AR: variants seen among roughly 807,000 people sequenced by gnomAD.
The protein encoded by AR is dihydrotestosterone receptor.
A neutral mutation model predicts 53.9 loss-of-function variants in AR; 8 were observed. The observed-to-expected ratio is 0.15, with a 90% CI of 0.09 to 0.27. The LOEUF is 0.27. Among genes scored for constraint, AR ranks in the 10% least tolerant of loss-of-function variants. The pLI, the probability that AR is intolerant of heterozygous loss-of-function variation, is 1.00. For missense variants in AR, 639 were observed against 742.5 expected (o/e 0.86, Z 1.62); for synonymous variants, 359 against 316.4 (o/e 1.13, Z -1.43).
rs1039748021 is a variant in AR, at chrX:67,631,361, A to C, written c.1617-11895A>C. On this transcript the variant is annotated intron_variant, in intron 1 of 7. Transcript: ENST00000374690. ...TTTCTTTTTATTCTTTTTTCTCTAA[A>C]GTTCCCTTCTCACTTCATTTCATTC... Among the ~76,000 whole-genome samples the C allele has an allele frequency of 4.5e-5, 5 of 111,127 alleles. 1 individual carries two copies. Among genetic ancestry groups the C allele is most frequent in the African/African-American group, 1.6e-4 (5 of 30,511 alleles).
rs1394193631 is a variant in AR at position 67,626,664 on chromosome X, G to A, written c.1617-16592G>A. On this transcript the variant is annotated intron_variant, in intron 1 of 7. Coordinates refer to ENST00000374690, the MANE Select transcript of AR (RefSeq NM_000044.6). The stretch of plus-strand genomic sequence containing the variant: ...TTATTATTATACTTTAAGTTTTAGG[G>A]TACATGTGCACAATGTGCAGGTTAG... Among the ~76,000 whole-genome samples, 4 of 100,484 alleles carry A rather than the reference G, an allele frequency of 4.0e-5. No homozygotes were observed. In the Admixed American group the frequency reaches 4.5e-4, roughly 11 times the overall value. The allele number at this position is 100,484 out of a possible 115,157, so 87.3% of individuals were successfully genotyped here.
chrX:67,708,580 G>T (rs2076079438), intron 3 of AR, among the ~76,000 whole-genome samples: 1 of 111,415 alleles, frequency 9.0e-6, no homozygotes, highest in Non-Finnish European at 1.9e-5. Context: ...TCTTTGCGAT[G>T]GGTTCAAACT....
intron 3 of AR, among the ~76,000 whole-genome samples, chrX:67,709,336 A>G (rs1004349478): frequency 1.2e-4 from 14 of 112,083 alleles, no homozygotes; most frequent in Admixed American, 5.6e-4. Flanking sequence ...AGCCTCAGCA[A>G]TGGCGGGTGC....
chrX:67,684,870 G>GT (rs201845471), intron 2 of AR, among the ~76,000 whole-genome samples: 46 of 108,789 alleles, frequency 4.2e-4, no homozygotes, highest in Admixed American at 1.2e-3. Context: ...GTTTTTAGTT[G>GT]TTTTTTTTTC....
rs768783620 is a variant in AR at position 67,729,945 on chromosome X, TGCTGACAGCA to T, written c.*6107_*6116del. 1.2e-5 allele frequency: 2 copies of T among 169,875 alleles called. No homozygotes were observed. The highest frequency in any genetic ancestry group is 6.1e-5 in the African/African-American group (2 of 32,762). The allele number at this position is 169,875 out of a possible 1,213,427, so 14.0% of individuals were successfully genotyped here. A position where few individuals can be genotyped will look rare whatever the true frequency, so the allele number is the denominator to read the frequency against. On this transcript the variant is annotated 3_prime_UTR_variant, in exon 8 of 8. Transcript: ENST00000374690. ...TGTCCTATCCCATAAGCCACTTGGA[TGCTGACAGCA>T]GCCACCATCAGAATGACCCACGCAA...
At chrX:67,572,928 A>G (rs1195702037) in intron 1 of AR, among the ~76,000 whole-genome samples, 1 of 111,857 alleles carries the variant, frequency 8.9e-6, no homozygotes, top group Non-Finnish European at 1.9e-5. Flanking sequence ...AAGTGTTCTG[A>G]CATTTTAATG....
At chrX:67,651,484 G>A (rs1213654428) in intron 2 of AR, among the ~76,000 whole-genome samples, 1 of 111,308 alleles carries the variant, frequency 9.0e-6, no homozygotes, top group Non-Finnish European at 1.9e-5. Flanking sequence ...TCAACAGGTA[G>A]TAAATAATAT....
At chrX:67,698,177 A>G (rs1214888798) in intron 3 of AR, among the ~76,000 whole-genome samples, 6 of 112,143 alleles carry the variant, frequency 5.4e-5, no homozygotes, top group African/African-American at 1.9e-4. Flanking sequence ...AACTAAAAGC[A>G]AAAGAGGGAA....
intron 4 of AR, 140 bp from the exon 5 acceptor site, chrX:67,717,338 C>A (rs2076117399): frequency 5.9e-6 from 5 of 840,749 alleles, no homozygotes; most frequent in Non-Finnish European, 8.6e-6. Flanking sequence ...CCCACCACCC[C>A]TTAATGGCCA....
intron 1 of AR, among the ~76,000 whole-genome samples, chrX:67,631,427 C>T (rs1358817817): frequency 8.9e-6 from 1 of 112,106 alleles, no homozygotes; most frequent in East Asian, 2.8e-4. Context: ...TCCAGTTGAT[C>T]GCATTGGCTC....
chrX:67,663,719 T>C (rs1927087411), intron 2 of AR, among the ~76,000 whole-genome samples: 1 of 112,344 alleles, frequency 8.9e-6, no homozygotes, highest in Admixed American at 9.4e-5. Context: ...CTACAGAGTG[T>C]TTTCCAACTT....
At chrX:67,720,614 G>C (rs1003480843) in intron 5 of AR, among the ~76,000 whole-genome samples, 1 of 111,085 alleles carries the variant, frequency 9.0e-6, no homozygotes, top group African/African-American at 3.3e-5. Context: ...TTCTAGTTGG[G>C]CTTCAGCCTG....
rs771665453 is a variant in AR at position 67,707,431 on chromosome X, A to C, written c.1886-3971A>C. ...TCTCTTTTGATCTTTGTTGGTTTAAAGTCTGTTTTATCAGAGACTAGCATT... is the reference window on the plus strand; with the variant it reads ...TCTCTTTTGATCTTTGTTGGTTTAACGTCTGTTTTATCAGAGACTAGCATT... On this transcript the variant is annotated intron_variant, in intron 3 of 7. Coordinates refer to ENST00000374690, the MANE Select transcript of AR (RefSeq NM_000044.6). Among the ~76,000 whole-genome samples, 5 of 111,344 alleles carry C rather than the reference A, an allele frequency of 4.5e-5. No individual in the cohort carries two copies. The East Asian group carries it at 1.4e-3, about 32-fold the overall frequency.
chrX:67,600,043 A>G (rs1236205646), intron 1 of AR, among the ~76,000 whole-genome samples: 2 of 111,214 alleles, frequency 1.8e-5, no homozygotes, highest in African/African-American at 6.5e-5. Flanking sequence ...GACTCTTGCA[A>G]AAGGAAAACC....
intron 3 of AR, among the ~76,000 whole-genome samples, chrX:67,692,909 G>A (rs771318288): frequency 1.8e-5 from 2 of 111,836 alleles, no homozygotes; most frequent in African/African-American, 6.5e-5. Flanking sequence ...GACCTAAATC[G>A]TCATCCCTAA....
chrX:67,696,017 T>C (rs1229614705), intron 3 of AR: 4 of 751,189 alleles, frequency 5.3e-6, no homozygotes, highest in Non-Finnish European at 6.3e-6. Flanking sequence ...TTTCTATTTG[T>C]TTGAATGTTG....
chrX:67,595,981 G>A (rs1398997829), intron 1 of AR, among the ~76,000 whole-genome samples: 1 of 110,813 alleles, frequency 9.0e-6, no homozygotes, highest in East Asian at 2.8e-4. Context: ...GGAGGTGATT[G>A]GATCATGAGG....
chrX:67,570,512 C>T (rs1023117958), intron 1 of AR, among the ~76,000 whole-genome samples: 1 of 111,227 alleles, frequency 9.0e-6, no homozygotes, highest in Admixed American at 9.6e-5. Flanking sequence ...TGTAGAGAAT[C>T]CTTGAGAAAT....
intron 3 of AR, among the ~76,000 whole-genome samples, chrX:67,697,593 G>T (rs1365258422): frequency 2.7e-5 from 3 of 111,514 alleles, no homozygotes; most frequent in Non-Finnish European, 3.8e-5. Context: ...TCTAGCTAGA[G>T]ATCCATTCTT....
Sources: gnomAD v4.1 joint callset for allele counts (sites outside exome capture counted in the v4.1 genomes callset) on GRCh38, gnomAD v4.1.1 for gene constraint, MANE v1.5 for transcripts, NCBI Gene and HGNC (gene_info 2026-07-23, HGNC 2026-07-21) for gene names.